GALK2: variants seen among roughly 807,000 people sequenced by gnomAD.
The protein encoded by GALK2 is N-acetylgalactosamine kinase.
In GALK2, 36 loss-of-function variants were observed where a neutral mutation model predicts 52.4. That is an observed-to-expected ratio of 0.69 (90% CI 0.53 to 0.91). The LOEUF (loss-of-function observed/expected upper bound fraction) is 0.91, where lower values mean the gene tolerates loss of function less well. Ranked by LOEUF, GALK2 falls within the 40% of genes least tolerant of loss-of-function variation. The pLI is 0.00. For missense variants in GALK2, 579 were observed against 559.1 expected, an observed-to-expected ratio of 1.04 and a Z score of -0.36; for synonymous variants, 176 against 199.1, an observed-to-expected ratio of 0.88 and a Z score of 0.98.
At chr15:49,320,455 A>G (rs1279091743) in intron 9 of GALK2, among the ~76,000 whole-genome samples, 1 of 152,258 alleles carries the variant, frequency 6.6e-6, no homozygotes, top group Non-Finnish European at 1.5e-5. Context: ...AAGAATGGAG[A>G]TAACAGAGTT....
At chr15:49,359,758 T>C (rs2043846977) in intron 3 of GALK2, among the ~76,000 whole-genome samples, 1 of 136,422 alleles carries the variant, frequency 7.3e-6, no homozygotes, top group South Asian at 2.4e-4. Context: ...CAAAGGACTA[T>C]AAATCATGCT....
chr15:49,327,798 A>C (rs2037779743), intron 9 of GALK2, 154 bp from the exon 10 acceptor site: 1 of 630,738 alleles, frequency 1.6e-6, no homozygotes, highest in Admixed American at 3.2e-5. Context: ...AAACAGTATA[A>C]ATGTCTTAAT....
chr15:49,262,830 A>G (rs999917273), intron 5 of GALK2, among the ~76,000 whole-genome samples: 1 of 146,160 alleles, frequency 6.8e-6, no homozygotes, highest in South Asian at 2.3e-4. Context: ...TTATGTACCC[A>G]GTAGTCATTC....
rs1424669773 is a variant in GALK2 at position 49,359,428 on chromosome 15, G to A, written c.427-8063G>A. ...ACAACCCCATCAAATAGTGGGCGAA[G>A]GACATGAACAGACACTTCTCAAAAG... On this transcript the variant is annotated intron_variant, in intron 3 of 3. Coordinates refer to the GALK2 transcript ENST00000558399. Among the ~76,000 whole-genome samples the A allele has an allele frequency of 2.5e-5, 3 of 119,334 alleles. 1 individual carries two copies. Among genetic ancestry groups the A allele is most frequent in the Non-Finnish European group, 5.5e-5 (3 of 54,406 alleles). 78.3% of individuals were successfully genotyped at this position (119,334 alleles called of 152,430 possible). A position where few individuals can be genotyped will look rare whatever the true frequency, so the allele number is the denominator to read the frequency against.
chr15:49,329,766 G>A lies in GALK2; in HGVS notation c.*1607G>A. On this transcript the variant is annotated 3_prime_UTR_variant, in exon 10 of 10. Transcript: ENST00000560031. ...CCGTGCCATTTTCCACAAAGGATTT[G>A]TGGTTGGTATATAATTCTTTAAAGA... The A allele has an allele frequency of 3.2e-6, 3 of 948,490 alleles. No individual in the cohort carries two copies. The highest frequency in any genetic ancestry group is 3.8e-6 in the Non-Finnish European group (3 of 799,096). The allele number at this position is 948,490 out of a possible 1,614,324, so 58.8% of individuals were successfully genotyped here.
At chr15:49,212,173 A>G (rs960602640) in intron 2 of GALK2, among the ~76,000 whole-genome samples, 2 of 151,978 alleles carry the variant, frequency 1.3e-5, no homozygotes, top group Admixed American at 1.3e-4. Context: ...ACTCACTGCA[A>G]CCTCCACCTC....
intron 3 of GALK2, among the ~76,000 whole-genome samples, chr15:49,354,350 A>T (rs1292159890): frequency 2.0e-5 from 3 of 152,152 alleles, no homozygotes; most frequent in African/African-American, 7.2e-5. Flanking sequence ...TCATCTCACT[A>T]GGGAGTGCCA....
chr15:49,196,455 A>C (rs1566926490), intron 1 of GALK2, among the ~76,000 whole-genome samples: 1 of 152,156 alleles, frequency 6.6e-6, no homozygotes, highest in Non-Finnish European at 1.5e-5. Flanking sequence ...AATAATTTCT[A>C]GTTCTATTGC....
chr15:49,271,069 T>C (rs779755687), intron 5 of GALK2, among the ~76,000 whole-genome samples: 7 of 152,088 alleles, frequency 4.6e-5, no homozygotes, highest in Non-Finnish European at 7.4e-5. Flanking sequence ...ACCACAGAGA[T>C]TGTAAGCCTG....
At chr15:49,322,773 C>G (rs145508271) in intron 9 of GALK2, among the ~76,000 whole-genome samples, 1 of 152,048 alleles carries the variant, frequency 6.6e-6, no homozygotes, top group South Asian at 2.1e-4. Context: ...CTGGCTAACA[C>G]GGTGAAACCC....
chr15:49,346,312 C>T (rs994668968), intron 3 of GALK2, among the ~76,000 whole-genome samples: 1 of 152,182 alleles, frequency 6.6e-6, no homozygotes, highest in Admixed American at 6.5e-5. Flanking sequence ...TGTGCTAACA[C>T]GATTTTCTAT....
chr15:49,290,751 T>C (rs1448542140), intron 7 of GALK2, among the ~76,000 whole-genome samples: 1 of 152,250 alleles, frequency 6.6e-6, no homozygotes, highest in Non-Finnish European at 1.5e-5. Context: ...ATTACTGGAA[T>C]GTTCACTTCT....
At chr15:49,281,584 T>G (rs779196496) in intron 5 of GALK2, among the ~76,000 whole-genome samples, 1 of 152,140 alleles carries the variant, frequency 6.6e-6, no homozygotes, top group Non-Finnish European at 1.5e-5. Context: ...ACTTTGGTTA[T>G]GGGTAGACTG....
chr15:49,176,718 T>C (rs1421132812), intron 1 of GALK2, among the ~76,000 whole-genome samples: 1 of 152,174 alleles, frequency 6.6e-6, no homozygotes, highest in Non-Finnish European at 1.5e-5. Flanking sequence ...AGGTAATTAC[T>C]GCATTAAATT....
chr15:49,307,210 C>T (rs2035615428), intron 8 of GALK2, among the ~76,000 whole-genome samples: 2 of 152,114 alleles, frequency 1.3e-5, no homozygotes, highest in South Asian at 4.1e-4. Context: ...ACTCTGCATG[C>T]TGCCAGTGGA....
At chr15:49,198,552 TTTTG>T (rs1279152622) in intron 1 of GALK2, among the ~76,000 whole-genome samples, 1 of 152,152 alleles carries the variant, frequency 6.6e-6, no homozygotes, top group South Asian at 2.1e-4. Context: ...TGTTCTTTGT[TTTTG>T]TTTGTTTGTT....
intron 1 of GALK2, among the ~76,000 whole-genome samples, chr15:49,159,730 A>G (rs1197069857): frequency 6.6e-6 from 1 of 152,184 alleles, no homozygotes; most frequent in African/African-American, 2.4e-5. Context: ...CTATACATAC[A>G]AATGTTTTTC....
At chr15:49,197,260 G>A (rs1595613896) in intron 1 of GALK2, among the ~76,000 whole-genome samples, 1 of 152,128 alleles carries the variant, frequency 6.6e-6, no homozygotes, top group African/African-American at 2.4e-5. Flanking sequence ...TTTTAGTTAT[G>A]TGTCTAGTAT....
chr15:49,227,891 T>G (rs1477311305), intron 3 of GALK2, among the ~76,000 whole-genome samples: 1 of 152,172 alleles, frequency 6.6e-6, no homozygotes, highest in Non-Finnish European at 1.5e-5. Context: ...CCTTAAGTAT[T>G]GCTTGTAGGT....
Sources: gnomAD v4.1 joint callset for allele counts (sites outside exome capture counted in the v4.1 genomes callset) on GRCh38, gnomAD v4.1.1 for gene constraint, MANE v1.5 for transcripts, NCBI Gene and HGNC (gene_info 2026-07-23, HGNC 2026-07-21) for gene names.